CCNT1: variants seen among roughly 807,000 people sequenced by gnomAD.
The protein encoded by CCNT1 is cyclin-T1.
In CCNT1, 18 loss-of-function variants were observed where a neutral mutation model predicts 67.3. The ratio of observed to expected loss-of-function variants is 0.27; its 90% confidence interval spans 0.18 to 0.40. The LOEUF (loss-of-function observed/expected upper bound fraction) is 0.40. CCNT1 is among the 10% of genes least tolerant of loss of function. The pLI, the probability that CCNT1 is intolerant of heterozygous loss-of-function variation, is 1.00. For synonymous variants in CCNT1, 333 were observed against 310.3 expected, an observed-to-expected ratio of 1.07 and a Z score of -0.77; for missense variants, 744 against 884.9, an observed-to-expected ratio of 0.84 and a Z score of 2.02.
In CCNT1 at chr12:48,688,877, A is replaced by G. The variant is rs1165166149; in HGVS notation, c.*4156T>C. ...TTTTAGGTGTGTGAAGTAGGGTGGG[A>G]AAAAAGGTCAGTTTCAAATTCAGTA... On this transcript the variant is annotated 3_prime_UTR_variant, in exon 9 of 9. Transcript: ENST00000261900. 1.3e-5 allele frequency: 2 copies of G among 152,008 alleles called. No homozygotes were observed. The highest frequency in any genetic ancestry group is 2.9e-5 in the Non-Finnish European group (2 of 68,002). 9.4% of individuals were successfully genotyped at this position (152,008 alleles called of 1,614,324 possible). A position where few individuals can be genotyped will look rare whatever the true frequency, so the allele number is the denominator to read the frequency against.
At chr12:48,704,267 T>C (rs1368291517) in intron 3 of CCNT1, among the ~76,000 whole-genome samples, 1 of 151,858 alleles carries the variant, frequency 6.6e-6, no homozygotes, top group African/African-American at 2.4e-5. Context: ...ACAGCAGGAG[T>C]TGAGCAGCAG....
chr12:48,692,518 T>C lies in CCNT1; in HGVS notation c.*515A>G, dbSNP rs1940091864. ...AATCCCACCCACCAGGAGTTACTGC[T>C]ATGTATCATATACACACAGCAAAAT... On this transcript the variant is annotated 3_prime_UTR_variant, in exon 9 of 9. Coordinates refer to ENST00000261900, the MANE Select transcript of CCNT1 (RefSeq NM_001240.4). The C allele has an allele frequency of 7.0e-6, 1 of 143,308 alleles. No individual in the cohort carries two copies. The allele number at this position is 143,308 out of a possible 1,614,324, so 8.9% of individuals were successfully genotyped here.
At position 48,692,570 on chromosome 12, in the gene CCNT1, AAAACT is replaced by A. The variant is rs1294569000; in HGVS notation, c.*458_*462del. 3 of 156,346 alleles carry A rather than the reference AAAACT, an allele frequency of 1.9e-5. No homozygotes were observed. Among genetic ancestry groups the A allele is most frequent in the East Asian group, 1.9e-4 (1 of 5,338 alleles). 9.7% of individuals were successfully genotyped at this position (156,346 alleles called of 1,614,324 possible). ...CCTATCCCCTTCCCAATTATATAAA[AAAACT>A]AAACAGATAACTTACTTTCTTTAAA... On this transcript the variant is annotated 3_prime_UTR_variant, in exon 9 of 9. Transcript: ENST00000261900.
At chr12:48,714,342 A>C in intron 2 of CCNT1, 101 bp downstream of exon 2, 2 of 706,750 alleles carry the variant, frequency 2.8e-6, no homozygotes. Context: ...CTAAATTCTA[A>C]AGTTCAAGTT....
At chr12:48,703,347 G>A (rs1940303171) in intron 3 of CCNT1, among the ~76,000 whole-genome samples, 1 of 151,916 alleles carries the variant, frequency 6.6e-6, no homozygotes, top group Non-Finnish European at 1.5e-5. Context: ...GCTGAGGCAG[G>A]TGGATAACCT....
Position 48,716,651 on chromosome 12 carries a change from T to C in CCNT1, c.25A>G (p.Asn9Asp), listed in dbSNP as rs752408077. Reference sequence around the variant, plus strand: ...TCTCGAGTGAAATACCACCGTTTGTTGTTGTTCTTCCTCTCTCCCTCCATA... The same window carrying C: ...TCTCGAGTGAAATACCACCGTTTGTCGTTGTTCTTCCTCTCTCCCTCCATA... MEGERKNN[N>D]KRWYFTREQL... is the part of the protein sequence containing the mutation. The change falls in exon 1 of 9, where the codon AAC (asparagine) becomes GAC (aspartate). Residue 9 changes from asparagine (N) to aspartate (D), a missense_variant. By Grantham distance (23) the Asn-to-Asp change is conservative. Transcript: ENST00000261900. 6.2e-7 allele frequency: 1 copy of C among 1,614,160 alleles called. No homozygotes were observed. Among genetic ancestry groups the C allele is most frequent in the Non-Finnish European group, 8.5e-7 (1 of 1,180,006 alleles).
chr12:48,694,525 T>A, intron 8 of CCNT1, 89 bp from the exon 9 acceptor site: 2 of 1,163,362 alleles, frequency 1.7e-6, no homozygotes, highest in Non-Finnish European at 2.5e-6. Flanking sequence ...GCAGCAACAC[T>A]GGAAGTTCTG....
chr12:48,700,940 T>C, intron 4 of CCNT1, 73 bp downstream of exon 4: 1 of 873,166 alleles, frequency 1.1e-6, no homozygotes, highest in South Asian at 1.6e-5. Flanking sequence ...ATTCTTCCTA[T>C]ATAGCAAATT....
At chr12:48,713,775 C>A (rs1940492590) in intron 2 of CCNT1, among the ~76,000 whole-genome samples, 1 of 152,210 alleles carries the variant, frequency 6.6e-6, no homozygotes, top group South Asian at 2.1e-4. Flanking sequence ...CAGGGCAAGA[C>A]CCTGCCTGTC....
intron 6 of CCNT1, among the ~76,000 whole-genome samples, chr12:48,697,189 T>A (rs11168687): frequency 0.07 from 10,641 of 151,990 alleles, 1,190 homozygotes; most frequent in East Asian, 0.53. Context: ...TAAGTGCCCA[T>A]TGATTGATAG....
At chr12:48,697,375 A>G (rs1216131381) in intron 6 of CCNT1, among the ~76,000 whole-genome samples, 1 of 151,544 alleles carries the variant, frequency 6.6e-6, no homozygotes, top group African/African-American at 2.4e-5. Context: ...CAAAAAAATT[A>G]GCGGGGCATG....
At chr12:48,711,341 T>C (rs904673917) in intron 2 of CCNT1, among the ~76,000 whole-genome samples, 19 of 148,398 alleles carry the variant, frequency 1.3e-4, no homozygotes, top group Non-Finnish European at 2.1e-4. Context: ...GATGGCGCCA[T>C]TGCACTCCAG....
At position 48,691,232 on chromosome 12, in the gene CCNT1, A is replaced by G. The variant is rs1210970705; in HGVS notation, c.*1801T>C. The G allele has an allele frequency of 6.6e-6, 1 of 152,250 alleles. No homozygotes were observed. Among genetic ancestry groups the G allele is most frequent in the Non-Finnish European group, 1.5e-5 (1 of 68,076 alleles). The allele number at this position is 152,250 out of a possible 1,614,324, so 9.4% of individuals were successfully genotyped here. On this transcript the variant is annotated 3_prime_UTR_variant, in exon 9 of 9. Coordinates refer to ENST00000261900, the MANE Select transcript of CCNT1 (RefSeq NM_001240.4). ...CTCCTGCCTACAAATTCCTTTCTAT[A>G]TTAGGCCAGTACATCATCAATTCCA...
rs748349655 is a variant in CCNT1 at position 48,695,984 on chromosome 12, T to C, written c.706+15A>G. The C allele has an allele frequency of 6.2e-7, 1 of 1,613,750 alleles. No individual in the cohort carries two copies. The highest frequency in any genetic ancestry group is 1.1e-5 in the South Asian group (1 of 91,052). On this transcript the variant is annotated intron_variant, in intron 7 of 8. Transcript: ENST00000261900. ...ACAGCAAGTGCTTTTCAAGGTCCCT[T>C]ACTCTAAAACTTACCATCTAAAAGT...
intron 3 of CCNT1, among the ~76,000 whole-genome samples, chr12:48,702,409 T>G (rs1257433791): frequency 6.6e-6 from 1 of 152,256 alleles, no homozygotes; most frequent in African/African-American, 2.4e-5. Flanking sequence ...ACTAGCCACA[T>G]GTAGCCATTC....
At chr12:48,704,803 C>T (rs953584273) in intron 3 of CCNT1, among the ~76,000 whole-genome samples, 1 of 151,106 alleles carries the variant, frequency 6.6e-6, no homozygotes, top group Non-Finnish European at 1.5e-5. Flanking sequence ...AGCAAGATTC[C>T]GTCTCAAAAA....
chr12:48,715,801 C>G (rs905841800), intron 1 of CCNT1, among the ~76,000 whole-genome samples: 10 of 152,158 alleles, frequency 6.6e-5, no homozygotes. Flanking sequence ...TATCATCACT[C>G]TAAGTAAGTT....
chr12:48,713,944 G>C (rs551917459), intron 2 of CCNT1, among the ~76,000 whole-genome samples: 9 of 152,252 alleles, frequency 5.9e-5, no homozygotes, highest in Non-Finnish European at 7.4e-5. Flanking sequence ...GCCCAGGCTG[G>C]AGTGAAGCGA....
At position 48,693,369 on chromosome 12, in the gene CCNT1, C is replaced by G. The variant is rs1263607054; in HGVS notation, c.1845G>C (p.Gly615=). The part of the protein sequence containing the change: ...PSLPTMGQMP[G]HSSDTSGLSF... ...AAAGGCCACTTGTGTCTGAGCTATG[C>G]CCAGGCATCTGACCCATTGTAGGAA... The change falls in exon 9 of 9, where the codon GGG becomes GGC. Residue 615 remains glycine, a synonymous_variant. Transcript: ENST00000261900. 2 of 1,614,156 alleles carry G rather than the reference C, an allele frequency of 1.2e-6. No homozygotes were observed. Among genetic ancestry groups the G allele is most frequent in the East Asian group, 4.5e-5 (2 of 44,886 alleles).
Sources: allele counts gnomAD v4.1 joint callset (sites outside exome capture counted in the v4.1 genomes callset), GRCh38; gene constraint gnomAD v4.1.1; transcripts MANE v1.5; gene names NCBI Gene and HGNC (gene_info 2026-07-23, HGNC 2026-07-21).